The following PTPMT1 variants were observed in gnomAD, a reference collection of about 807,000 sequenced individuals.
PTPMT1 encodes the protein phosphatidylglycerophosphatase and protein-tyrosine phosphatase 1.
Under a neutral mutation model 17.8 loss-of-function variants are expected in PTPMT1, and 12 were observed. The observed-to-expected ratio is 0.67, with a 90% CI of 0.43 to 1.09. The LOEUF is 1.09. Ranked by LOEUF, PTPMT1 falls within the 50% of genes least tolerant of loss-of-function variation. PTPMT1 has a pLI of 0.00. For synonymous variants in PTPMT1, 132 were observed against 116.8 expected (o/e 1.13, Z -0.84); for missense variants, 262 against 266.0 (o/e 0.99, Z 0.10).
At position 47,566,093 on chromosome 11, in the gene PTPMT1, G is replaced by C. The variant is rs2097243663; in HGVS notation, c.255+107G>C. 7.8e-6 allele frequency: 10 copies of C among 1,275,372 alleles called. 1 individual carries two copies. The South Asian group carries it at 1.6e-4, about 21-fold the overall frequency. The allele number at this position is 1,275,372 out of a possible 1,614,324, so 79.0% of individuals were successfully genotyped here. ...GTGGGGGAGGTCACCATGCACCGGA[G>C]CCAGGTGTCTCAAGCTGCTTTGCCT... On this transcript the variant is annotated intron_variant, in intron 2 of 3. Coordinates refer to ENST00000326674, the MANE Select transcript of PTPMT1 (RefSeq NM_175732.3).
rs1005876907 is a variant in PTPMT1 at position 47,572,773 on chromosome 11, C to A, written c.*1144C>A. 34 of 769,796 alleles carry A rather than the reference C, an allele frequency of 4.4e-5. No homozygotes were observed. Among genetic ancestry groups the A allele is most frequent in the Non-Finnish European group, 7.0e-5 (34 of 488,736 alleles). The allele number at this position is 769,796 out of a possible 1,614,324, so 47.7% of individuals were successfully genotyped here. ...GCTGAGCAGCAGCAGTCTAAAAAGC[C>A]CCAAACAGAACACCTCCATGGATTC... is the stretch of plus-strand genomic sequence containing the variant. On this transcript the variant is annotated 3_prime_UTR_variant, in exon 4 of 4. Coordinates refer to ENST00000326674, the MANE Select transcript of PTPMT1 (RefSeq NM_175732.3).
rs779958294 is a variant in PTPMT1, at chr11:47,573,048, C to T, written c.*1419C>T. On this transcript the variant is annotated 3_prime_UTR_variant, in exon 4 of 4. Coordinates refer to ENST00000326674, the MANE Select transcript of PTPMT1 (RefSeq NM_175732.3). The surrounding 1 kb of genome is among the most constrained non-coding windows in gnomAD (Gnocchi z 4.1). ...GGCATCCCCCTTTTTATATCGGTCC[C>T]GGAAGACATAGATGCTCCCGTTACA... The T allele has an allele frequency of 5.0e-6, 8 of 1,614,014 alleles. No homozygotes were observed. The highest frequency in any genetic ancestry group is 1.6e-4 in the Middle Eastern group (1 of 6,082).
chr11:47,572,901 T>A lies in PTPMT1; in HGVS notation c.*1272T>A. 6.3e-7 allele frequency: 1 copy of A among 1,586,282 alleles called. No homozygotes were observed. The highest frequency in any genetic ancestry group is 8.6e-7 in the Non-Finnish European group (1 of 1,163,842). ...AGTTTGTATGGGGAGGGAAAAGGAG[T>A]GAGCAGTTCTCCTCCCCTCCCCACA... On this transcript the variant is annotated 3_prime_UTR_variant, in exon 4 of 4. Transcript: ENST00000326674.
intron 2 of PTPMT1, among the ~76,000 whole-genome samples, chr11:47,569,301 G>A (rs562532297): frequency 5.6e-4 from 85 of 150,696 alleles, no homozygotes; most frequent in African/African-American, 1.9e-3. Context: ...CAGGAGAATC[G>A]CTTGAAACTG....
rs749561649 is a variant in PTPMT1 at position 47,565,629 on chromosome 11, G to A, written c.7G>A (p.Ala3Thr). ...GCCGCTGCGCCGGGCCGGGATGGCGGCCACCGCGCTGCTGGAGGCCGGCCT... is the reference window on the plus strand; with the variant it reads ...GCCGCTGCGCCGGGCCGGGATGGCGACCACCGCGCTGCTGGAGGCCGGCCT... MA[A>T]TALLEAGLAR... is the part of the protein sequence containing the mutation. The change falls in exon 1 of 4, where the codon GCC becomes ACC. Residue 3 changes from alanine to threonine, a missense_variant. By Grantham distance (58) the Ala-to-Thr change is moderately conservative (BLOSUM62 0). Coordinates refer to ENST00000326674, the MANE Select transcript of PTPMT1 (RefSeq NM_175732.3). The A allele has an allele frequency of 1.3e-5, 17 of 1,311,328 alleles. No individual in the cohort carries two copies. In the African/African-American group the frequency reaches 2.5e-4, roughly 19 times the overall value. The allele number at this position is 1,311,328 out of a possible 1,614,324, so 81.2% of individuals were successfully genotyped here.
Position 47,572,884 on chromosome 11 carries a change from T to TG in PTPMT1, c.*1259dup. On this transcript the variant is annotated 3_prime_UTR_variant, in exon 4 of 4. Transcript: ENST00000326674. Reference sequence around the variant, plus strand: ...GGGCCCAGGGGACTTTGAGTTTGTATGGGGAGGGAAAAGGAGTGAGCAGTT... The same window carrying TG: ...GGGCCCAGGGGACTTTGAGTTTGTATGGGGGAGGGAAAAGGAGTGAGCAGTT... 1 of 1,570,608 alleles carries TG rather than the reference T, an allele frequency of 6.4e-7. No homozygotes were observed. Among genetic ancestry groups the TG allele is most frequent in the Non-Finnish European group, 8.6e-7 (1 of 1,157,134 alleles).
chr11:47,572,340 AC>A lies in PTPMT1; in HGVS notation c.*715del, dbSNP rs1348128631. On this transcript the variant is annotated 3_prime_UTR_variant, in exon 4 of 4. Coordinates refer to ENST00000326674, the MANE Select transcript of PTPMT1 (RefSeq NM_175732.3). ...AATAATCATTTCTATTTTCTGGCTT[AC>A]CCCTTGGAATAAGCCAAAAATAAAA... The A allele has an allele frequency of 6.5e-6, 1 of 152,980 alleles. No individual in the cohort carries two copies. Among genetic ancestry groups the A allele is most frequent in the Non-Finnish European group, 1.5e-5 (1 of 68,312 alleles). The allele number at this position is 152,980 out of a possible 1,614,324, so 9.5% of individuals were successfully genotyped here.
chr11:47,568,857 A>AT (rs2097247864), intron 2 of PTPMT1, among the ~76,000 whole-genome samples: 1 of 151,770 alleles, frequency 6.6e-6, no homozygotes, highest in African/African-American at 2.4e-5. Flanking sequence ...CGCATGGCTA[A>AT]TTTTTGTATT....
At chr11:47,566,180 A>G (rs1013461430) in intron 2 of PTPMT1, among the ~76,000 whole-genome samples, 194 bp downstream of exon 2, 2 of 152,018 alleles carry the variant, frequency 1.3e-5, no homozygotes, top group Non-Finnish European at 2.9e-5. Flanking sequence ...GCGTTTATTT[A>G]AAAGTTCAAG....
chr11:47,571,738 CAATAGGT>C lies in PTPMT1; in HGVS notation c.*120_*126del. The C allele has an allele frequency of 2.0e-6, 2 of 994,088 alleles. No individual in the cohort carries two copies. Among genetic ancestry groups the C allele is most frequent in the Non-Finnish European group, 1.5e-6 (1 of 660,626 alleles). 61.6% of individuals were successfully genotyped at this position (994,088 alleles called of 1,614,324 possible). A position where few individuals can be genotyped will look rare whatever the true frequency, so the allele number is the denominator to read the frequency against. On this transcript the variant is annotated 3_prime_UTR_variant, in exon 4 of 4. Coordinates refer to ENST00000326674, the MANE Select transcript of PTPMT1 (RefSeq NM_175732.3). ...CAGACTTGACGTAACAGAAATGTGC[CAATAGGT>C]AATAGGTAATTTTTCTTTCTCTGAC...
intron 2 of PTPMT1, among the ~76,000 whole-genome samples, chr11:47,569,300 C>T (rs187689412): frequency 2.4e-4 from 36 of 148,844 alleles, no homozygotes; most frequent in Non-Finnish European, 4.6e-4. Flanking sequence ...GCAGGAGAAT[C>T]GCTTGAAACT....
At position 47,572,676 on chromosome 11, in the gene PTPMT1, A is replaced by G. The variant is rs1270877331; in HGVS notation, c.*1047A>G. Reference sequence around the variant, plus strand: ...TCTGAGAAAAGGCTTGCTCTAAGCAAGCTGTGGTGAGGCACAGGATGACTA... The same window carrying G: ...TCTGAGAAAAGGCTTGCTCTAAGCAGGCTGTGGTGAGGCACAGGATGACTA... On this transcript the variant is annotated 3_prime_UTR_variant, in exon 4 of 4. Coordinates refer to ENST00000326674, the MANE Select transcript of PTPMT1 (RefSeq NM_175732.3). The G allele has an allele frequency of 1.9e-6, 1 of 523,996 alleles. No homozygotes were observed. The highest frequency in any genetic ancestry group is 1.9e-5 in the African/African-American group (1 of 52,704). The allele number at this position is 523,996 out of a possible 1,614,324, so 32.5% of individuals were successfully genotyped here.
chr11:47,572,646 T>C lies in PTPMT1; in HGVS notation c.*1017T>C. ...TCAGGTAAAGAGGAGAGGCTGTGCC[T>C]AAGGTCTGAGAAAAGGCTTGCTCTA... On this transcript the variant is annotated 3_prime_UTR_variant, in exon 4 of 4. Transcript: ENST00000326674. 1 of 450,662 alleles carries C rather than the reference T, an allele frequency of 2.2e-6. No individual in the cohort carries two copies. Among genetic ancestry groups the C allele is most frequent in the Non-Finnish European group, 4.0e-6 (1 of 251,612 alleles). The allele number at this position is 450,662 out of a possible 1,614,324, so 27.9% of individuals were successfully genotyped here.
Position 47,571,960 on chromosome 11 carries a change from A to G in PTPMT1, c.*331A>G. On this transcript the variant is annotated 3_prime_UTR_variant, in exon 4 of 4. Coordinates refer to ENST00000326674, the MANE Select transcript of PTPMT1 (RefSeq NM_175732.3). ...TAATAATATTTAGCACCACAACTCAAAAAACATTTAGCACTTGAAAAAAGG... is the reference window on the plus strand; with the variant it reads ...TAATAATATTTAGCACCACAACTCAGAAAACATTTAGCACTTGAAAAAAGG... The G allele has an allele frequency of 5.8e-6, 1 of 173,670 alleles. No homozygotes were observed. The highest frequency in any genetic ancestry group is 1.6e-4 in the East Asian group (1 of 6,082). The allele number at this position is 173,670 out of a possible 1,614,324, so 10.8% of individuals were successfully genotyped here. A position where few individuals can be genotyped will look rare whatever the true frequency, so the allele number is the denominator to read the frequency against.
chr11:47,566,262 C>T (rs2097244066), intron 2 of PTPMT1, among the ~76,000 whole-genome samples: 1 of 152,070 alleles, frequency 6.6e-6, no homozygotes, highest in African/African-American at 2.4e-5. Flanking sequence ...GCGGGCAGAT[C>T]ACTTGAGCCC....
Position 47,572,730 on chromosome 11 carries a change from T to C in PTPMT1, c.*1101T>C. The stretch of plus-strand genomic sequence containing the variant: ...AATGGCAGAGAACAGGCTGGCCTAC[T>C]GTCAGTTCAAGCAACCAGCTGAGCA... On this transcript the variant is annotated 3_prime_UTR_variant, in exon 4 of 4. Transcript: ENST00000326674. The C allele has an allele frequency of 1.7e-6, 1 of 605,106 alleles. No individual in the cohort carries two copies. The highest frequency in any genetic ancestry group is 2.1e-5 in the South Asian group (1 of 47,082). The allele number at this position is 605,106 out of a possible 1,614,324, so 37.5% of individuals were successfully genotyped here. A position where few individuals can be genotyped will look rare whatever the true frequency, so the allele number is the denominator to read the frequency against.
At chr11:47,566,855 C>T (rs538536789) in intron 2 of PTPMT1, among the ~76,000 whole-genome samples, 2 of 152,266 alleles carry the variant, frequency 1.3e-5, no homozygotes, top group African/African-American at 4.8e-5. Flanking sequence ...AAAGTTCTCT[C>T]ATAACAAAGT....
intron 3 of PTPMT1, among the ~76,000 whole-genome samples, chr11:47,570,129 A>G (rs769325116): frequency 6.8e-6 from 1 of 148,132 alleles, no homozygotes; most frequent in Non-Finnish European, 1.5e-5. Flanking sequence ...TAGAGGCTGC[A>G]GTGAGCCGTG....
At chr11:47,571,426 C>G (rs779416298) in intron 3 of PTPMT1, 45 bp from the exon 4 acceptor site, 2 of 1,597,184 alleles carry the variant, frequency 1.3e-6, no homozygotes, top group Admixed American at 1.7e-5. Context: ...CACCTTGACA[C>G]CTGCTTCTTT....
Sources: allele counts gnomAD v4.1 joint callset (sites outside exome capture counted in the v4.1 genomes callset), GRCh38; gene constraint gnomAD v4.1.1; non-coding constraint Gnocchi (gnomAD v3.1); transcripts MANE v1.5; gene names NCBI Gene and HGNC (gene_info 2026-07-23, HGNC 2026-07-21).